The following USP35 variants were observed in gnomAD, a reference collection of about 807,000 sequenced individuals.
USP35 encodes the protein ubiquitin carboxyl-terminal hydrolase 35.
In USP35, 69 loss-of-function variants were observed where a neutral mutation model predicts 83.8. The observed-to-expected ratio is 0.82, with a 90% CI of 0.68 to 1.01. The LOEUF is 1.01. Among genes scored for constraint, USP35 ranks in the 50% least tolerant of loss-of-function variants. The pLI is 0.00. For synonymous variants in USP35, 714 were observed against 589.5 expected, an observed-to-expected ratio of 1.21 and a Z score of -3.06; for missense variants, 1,503 against 1,362.5, an observed-to-expected ratio of 1.10 and a Z score of -1.62.
At chr11:78,227,404 G>GACAGGAA in the USP35 span, among the ~76,000 whole-genome samples, 2 of 152,274 alleles carry the variant, frequency 1.3e-5, no homozygotes, top group African/African-American at 4.8e-5. Context: ...TTAAGTTGAT[G>GACAGGAA]ACAGGAAACA....
intron 1 of USP35, among the ~76,000 whole-genome samples, chr11:78,194,778 C>A (rs1177859536): frequency 1.3e-5 from 2 of 152,188 alleles, no homozygotes; most frequent in South Asian, 2.1e-4. Context: ...TGCCTGTCTG[C>A]TGGGCACTGT....
intron 6 of USP35, among the ~76,000 whole-genome samples, chr11:78,202,386 T>C (rs1318438051): frequency 6.6e-6 from 1 of 152,228 alleles, no homozygotes; most frequent in Admixed American, 6.5e-5. Flanking sequence ...AAAAATGTAA[T>C]CAGTGGCCTG....
chr11:78,198,016 C>G lies in USP35; in HGVS notation c.754C>G (p.Leu252Val), dbSNP rs1373766272. The G allele has an allele frequency of 2.5e-6, 4 of 1,614,234 alleles. No homozygotes were observed. The East Asian group carries it at 6.7e-5, about 27-fold the overall frequency. Residue 252 changes from leucine to valine, a missense_variant, in exon 3 of 11, where the codon CTC (leucine) becomes GTC (valine). Coordinates refer to ENST00000529308, the MANE Select transcript of USP35 (RefSeq NM_020798.4). ...GCTCATGGATGGTGTTGTCCGGAAC[C>G]TCAGCAATGATGACAGTGTGACAGA... ...LELMDGVVRNLSNDDSVTDSQ... is the reference protein window; with the variant it reads ...LELMDGVVRNVSNDDSVTDSQ...
At chr11:78,202,577 C>G (rs2137040172) in intron 6 of USP35, among the ~76,000 whole-genome samples, 1 of 152,268 alleles carries the variant, frequency 6.6e-6, no homozygotes, top group Middle Eastern at 3.4e-3. Flanking sequence ...ATAAAACACA[C>G]AAAGGAACAA....
the USP35 span, among the ~76,000 whole-genome samples, chr11:78,235,628 A>C: frequency 7.2e-5 from 11 of 152,298 alleles, no homozygotes; most frequent in South Asian, 6.2e-4. Flanking sequence ...TCAAAGTTCC[A>C]CAAATCTCTA....
the USP35 span, among the ~76,000 whole-genome samples, chr11:78,236,318 T>C: frequency 1.6e-4 from 25 of 152,328 alleles, no homozygotes; most frequent in East Asian, 4.6e-3. Context: ...CACTTAAAAA[T>C]TTTTTTGTTG....
At chr11:78,206,422 A>G (rs984714124) in intron 7 of USP35, among the ~76,000 whole-genome samples, 3 of 152,182 alleles carry the variant, frequency 2.0e-5, no homozygotes, top group Non-Finnish European at 4.4e-5. Flanking sequence ...GTCTATGGCC[A>G]CCTATCTACC....
At chr11:78,199,529 G>C (rs1863269808) in intron 3 of USP35, 66 bp from the exon 4 acceptor site, 1 of 1,607,878 alleles carries the variant, frequency 6.2e-7, no homozygotes, top group African/African-American at 1.3e-5. Flanking sequence ...GATAGCCCCT[G>C]GGCTGCCCTC....
At chr11:78,233,022 A>G in the USP35 span, among the ~76,000 whole-genome samples, 1 of 150,364 alleles carries the variant, frequency 6.7e-6, no homozygotes, top group Non-Finnish European at 1.5e-5. Context: ...TATACTTACC[A>G]ATACCTGGCA....
intron 10 of USP35, among the ~76,000 whole-genome samples, chr11:78,211,442 G>A (rs1863769462): frequency 6.6e-6 from 1 of 152,148 alleles, no homozygotes; most frequent in African/African-American, 2.4e-5. Context: ...ATAATAGAAT[G>A]ACTTATATTC....
the USP35 span, among the ~76,000 whole-genome samples, chr11:78,237,052 T>C: frequency 2.0e-5 from 3 of 152,224 alleles, no homozygotes; most frequent in East Asian, 5.8e-4. Flanking sequence ...GTTATGCTGG[T>C]CTCATAAAAT....
intron 10 of USP35, among the ~76,000 whole-genome samples, chr11:78,211,704 T>C (rs889061317): frequency 5.3e-5 from 8 of 152,262 alleles, no homozygotes; most frequent in South Asian, 2.1e-4. Context: ...GTCAGTGATG[T>C]TGAATTTTTC....
In USP35 at chr11:78,196,527, C is replaced by G; in HGVS notation, c.282C>G (p.Gly94=). The change falls in exon 2 of 11, where the codon GGC becomes GGG. Residue 94 remains glycine, a synonymous_variant. Transcript: ENST00000529308. This position sits in a 1 kb window ranked among gnomAD's most constrained non-coding sequence, Gnocchi z 4.8. The part of the protein sequence containing the change: ...RVLRLLQGGA[G]PPGPRALACV... ...TGCGCCTGCTGCAGGGTGGCGCCGG[C>G]CCCCCGGGCCCCCGCGCGCTCGCCT... The G allele has an allele frequency of 8.2e-7, 1 of 1,217,560 alleles. No homozygotes were observed. The allele number at this position is 1,217,560 out of a possible 1,614,324, so 75.4% of individuals were successfully genotyped here.
the USP35 span, chr11:78,223,756 G>C: frequency 2.5e-6 from 3 of 1,210,122 alleles, no homozygotes; most frequent in Non-Finnish European, 3.5e-6. Flanking sequence ...TGTAAATGAG[G>C]CAAGACAAGT....
At chr11:78,227,080 AG>A in the USP35 span, 1 of 1,450,380 alleles carries the variant, frequency 6.9e-7, no homozygotes, top group Non-Finnish European at 9.6e-7. Flanking sequence ...AAAGGGCAGG[AG>A]GGTGAGACAA....
intron 10 of USP35, among the ~76,000 whole-genome samples, chr11:78,213,362 G>T (rs534121021): frequency 9.2e-5 from 14 of 152,146 alleles, no homozygotes; most frequent in Non-Finnish European, 1.9e-4. Context: ...TATGACCCTC[G>T]AAGTCCTCAG....
At chr11:78,201,583 A>G (rs997800195) in intron 6 of USP35, among the ~76,000 whole-genome samples, 33 of 152,306 alleles carry the variant, frequency 2.2e-4, no homozygotes, top group African/African-American at 6.3e-4. Context: ...CTAAGAAGAA[A>G]GAGTTTCTTA....
At chr11:78,221,734 G>C in the USP35 span, 1 of 1,613,772 alleles carries the variant, frequency 6.2e-7, no homozygotes, top group Non-Finnish European at 8.5e-7. Flanking sequence ...TGCTCTGGGT[G>C]GAGATGGGGC....
At chr11:78,207,332 G>A in intron 7 of USP35, 198 bp from the exon 8 acceptor site, 1 of 579,618 alleles carries the variant, frequency 1.7e-6, no homozygotes, top group East Asian at 2.9e-5. Flanking sequence ...GTCTATTGTT[G>A]TGTTCCTGAC....
Sources: gnomAD v4.1 joint callset for allele counts (sites outside exome capture counted in the v4.1 genomes callset) on GRCh38, gnomAD v4.1.1 for gene constraint, Gnocchi (gnomAD v3.1) non-coding constraint, MANE v1.5 for transcripts, NCBI Gene and HGNC (gene_info 2026-07-23, HGNC 2026-07-21) for gene names.